The following ZER1 variants were observed in gnomAD, a reference collection of about 807,000 sequenced individuals.
ZER1 encodes the protein protein zer-1 homolog.
Under a neutral mutation model 78.8 loss-of-function variants are expected in ZER1, and 11 were observed. The ratio of observed to expected loss-of-function variants is 0.14; its 90% CI spans 0.09 to 0.23. The LOEUF (loss-of-function observed/expected upper bound fraction) is 0.23. Ranked by LOEUF, ZER1 falls within the 10% of genes least tolerant of loss-of-function variation. The probability of loss-of-function intolerance (pLI) is 1.00; values close to 1 mark genes in which losing one functional copy is unlikely to be tolerated. For synonymous variants in ZER1, 400 were observed against 407.0 expected (o/e 0.98, Z 0.21); for missense variants, 588 against 996.9 (o/e 0.59, Z 5.52).
At position 128,755,672 on chromosome 9, in the gene ZER1, C is replaced by A. The variant is rs533806131; in HGVS notation, c.-94-13G>T. On this transcript the variant is annotated splice_polypyrimidine_tract_variant and intron_variant, in intron 1 of 15. Transcript: ENST00000291900. This position sits in a 1 kb window ranked among gnomAD's most constrained non-coding sequence, Gnocchi z 5.6. ...GCAGAGCCACTGCCTGGGGAGTGGA[C>A]AAGATGCCAAGTGAGCCACACACAA... The A allele has an allele frequency of 6.4e-6, 9 of 1,408,360 alleles. No individual in the cohort carries two copies. The highest frequency in any genetic ancestry group is 1.4e-5 in the African/African-American group (1 of 70,642). 87.2% of individuals were successfully genotyped at this position (1,408,360 alleles called of 1,614,324 possible). A position where few individuals can be genotyped will look rare whatever the true frequency, so the allele number is the denominator to read the frequency against.
rs1863780009 is a variant in ZER1, at chr9:128,754,070, C to A, written c.159-111G>T. The A allele has an allele frequency of 1.6e-5, 21 of 1,314,636 alleles. No homozygotes were observed. In the South Asian group the frequency reaches 2.8e-4, roughly 17 times the overall value. 81.4% of individuals were successfully genotyped at this position (1,314,636 alleles called of 1,614,324 possible). A position where few individuals can be genotyped will look rare whatever the true frequency, so the allele number is the denominator to read the frequency against. Reference sequence around the variant, plus strand: ...TTTCTTGGATCACCCCAAGTAGCAACCTCCTTCTCCTAAGAGTATCTGGTC... The same window carrying A: ...TTTCTTGGATCACCCCAAGTAGCAAACTCCTTCTCCTAAGAGTATCTGGTC... On this transcript the variant is annotated intron_variant, in intron 2 of 15. Transcript: ENST00000291900. The surrounding 1 kb of genome is among the most constrained non-coding windows in gnomAD (Gnocchi z 4.3).
chr9:128,749,728 G>A (rs568980368), intron 8 of ZER1, among the ~76,000 whole-genome samples: 1 of 151,048 alleles, frequency 6.6e-6, no homozygotes, highest in Non-Finnish European at 1.5e-5. Context: ...GGGCAACAGA[G>A]CAAGACTCCA....
rs771939300 is a variant in ZER1 at position 128,742,629 on chromosome 9, G to A, written c.1476C>T (p.Asp492=). 46 of 1,614,130 alleles carry A rather than the reference G, an allele frequency of 2.8e-5. No homozygotes were observed. The highest frequency in any genetic ancestry group is 3.4e-5 in the Non-Finnish European group (40 of 1,180,064). The change falls in exon 9 of 16, where the codon GAC becomes GAT. Residue 492 remains aspartate, a synonymous_variant. Coordinates refer to ENST00000291900, the MANE Select transcript of ZER1 (RefSeq NM_006336.4). The stretch of plus-strand genomic sequence containing the variant: ...GCACGGCGATCCGCTGGATAGACTC[G>A]TCCTGCCGCGTGGGGTTGAGGATGC... ...LLSILNPTRQ[D]ESIQRIAVHL...
intron 8 of ZER1, 117 bp downstream of exon 8, chr9:128,750,499 G>A: frequency 1.6e-6 from 2 of 1,230,602 alleles, no homozygotes; most frequent in Non-Finnish European, 2.3e-6. Flanking sequence ...GTGCTGCTGT[G>A]GGAAAGGGAG....
At chr9:128,733,345 C>G in intron 15 of ZER1, 81 bp downstream of exon 15, 2 of 1,249,986 alleles carry the variant, frequency 1.6e-6, no homozygotes, top group Non-Finnish European at 2.3e-6. Context: ...TTCAGCCATT[C>G]CTAACCTCCA....
At chr9:128,749,930 C>G (rs1302458176) in intron 8 of ZER1, among the ~76,000 whole-genome samples, 1 of 152,190 alleles carries the variant, frequency 6.6e-6, no homozygotes, top group Non-Finnish European at 1.5e-5. Context: ...GTAATCCCAG[C>G]TACTCGGGAG....
At chr9:128,766,153 A>G (rs1380309721) in intron 1 of ZER1, among the ~76,000 whole-genome samples, 1 of 151,978 alleles carries the variant, frequency 6.6e-6, no homozygotes, top group Non-Finnish European at 1.5e-5. Context: ...GATTGAGACC[A>G]TCCTGGCCAA....
intron 8 of ZER1, among the ~76,000 whole-genome samples, chr9:128,743,763 C>A (rs1045734436): frequency 6.6e-6 from 1 of 151,904 alleles, no homozygotes. Flanking sequence ...CAGGGTCTCA[C>A]TCTGTCACCC....
At chr9:128,745,677 C>T (rs1025225421) in intron 8 of ZER1, among the ~76,000 whole-genome samples, 7 of 151,386 alleles carry the variant, frequency 4.6e-5, no homozygotes, top group East Asian at 2.0e-4. Flanking sequence ...TTTTAAGACG[C>T]GGTCTCTCTG....
intron 1 of ZER1, among the ~76,000 whole-genome samples, chr9:128,767,695 G>A (rs1481281644): frequency 1.3e-5 from 2 of 152,158 alleles, no homozygotes; most frequent in Admixed American, 1.3e-4. Flanking sequence ...TATGGGGAGG[G>A]ACCATTTCTC....
intron 1 of ZER1, among the ~76,000 whole-genome samples, chr9:128,769,472 G>A (rs1864317660): frequency 6.6e-6 from 1 of 150,850 alleles, no homozygotes; most frequent in South Asian, 2.1e-4. Context: ...GTGCTGCAGT[G>A]GCATGATCTC....
chr9:128,750,996 T>A, intron 7 of ZER1, 126 bp downstream of exon 7: 1 of 1,428,740 alleles, frequency 7.0e-7, no homozygotes. Flanking sequence ...CAGGCTGGGG[T>A]TCGGGTCCTG....
chr9:128,766,803 A>AC (rs1864222468), intron 1 of ZER1, among the ~76,000 whole-genome samples: 1 of 122,134 alleles, frequency 8.2e-6, no homozygotes, highest in Middle Eastern at 6.5e-3. Context: ...CCGAGATTGC[A>AC]CCACTGCACT....
chr9:128,763,075 T>G (rs954187281), intron 1 of ZER1, among the ~76,000 whole-genome samples: 4 of 152,220 alleles, frequency 2.6e-5, no homozygotes, highest in African/African-American at 9.6e-5. Context: ...CTTCAGACCT[T>G]TGCCCAGTCT....
chr9:128,750,377 A>AG (rs1863634212), intron 8 of ZER1, among the ~76,000 whole-genome samples: 1 of 152,232 alleles, frequency 6.6e-6, no homozygotes, highest in Non-Finnish European at 1.5e-5. Flanking sequence ...CGGCACAGGC[A>AG]GGGAGAAGGG....
Position 128,739,966 on chromosome 9 carries a change from G to T in ZER1, c.2007C>A (p.Ser669Arg). Residue 669 changes from serine (S) to arginine (R), a missense_variant, in exon 13 of 16, where the codon AGC becomes AGA. Around this residue, in one of 3 missense-constraint regions of ZER1, gnomAD observed 122 missense variants for 173.5 expected, o/e 0.70. Coordinates refer to ENST00000291900, the MANE Select transcript of ZER1 (RefSeq NM_006336.4). The stretch of plus-strand genomic sequence containing the variant: ...TGTTTCTCCGAGAGTTTATGTCCCA[G>T]CTCTGGATGGCAGCCCACATGCGTT... ...VEERMWAAIQ[S>R]WDINSRRNIN... The T allele has an allele frequency of 6.2e-7, 1 of 1,613,046 alleles. No homozygotes were observed.
At chr9:128,743,824 G>A (rs374831742) in intron 8 of ZER1, among the ~76,000 whole-genome samples, 7 of 151,414 alleles carry the variant, frequency 4.6e-5, no homozygotes, top group Non-Finnish European at 1.0e-4. Flanking sequence ...TCCCCCTCCC[G>A]GGCTCAAGTG....
Position 128,754,539 on chromosome 9 carries a change from T to C in ZER1, c.159-580A>G, listed in dbSNP as rs1863794582. The stretch of plus-strand genomic sequence containing the variant: ...TCAGTTTCTTCATCTGTAAAGTGGA[T>C]ATAACTATGGCCTGCAAAGTGTCCA... On this transcript the variant is annotated intron_variant, in intron 2 of 15. Transcript: ENST00000291900. This position sits in a 1 kb window ranked among gnomAD's most constrained non-coding sequence, Gnocchi z 4.3. Among the ~76,000 whole-genome samples the C allele has an allele frequency of 6.6e-6, 1 of 152,170 alleles. No individual in the cohort carries two copies. Among genetic ancestry groups the C allele is most frequent in the South Asian group, 2.1e-4 (1 of 4,828 alleles).
chr9:128,749,312 G>T (rs1863602655), intron 8 of ZER1, among the ~76,000 whole-genome samples: 1 of 151,856 alleles, frequency 6.6e-6, no homozygotes, highest in Admixed American at 6.6e-5. Flanking sequence ...GGGCGACAGA[G>T]TAAGACTCCA....
Sources: allele counts gnomAD v4.1 joint callset (sites outside exome capture counted in the v4.1 genomes callset), GRCh38; gene constraint gnomAD v4.1.1; regional missense constraint gnomAD v4.1.1; non-coding constraint Gnocchi (gnomAD v3.1); transcripts MANE v1.5; gene names NCBI Gene and HGNC (gene_info 2026-07-23, HGNC 2026-07-21).